CCDC9: variants seen among roughly 807,000 people sequenced by gnomAD.
The protein encoded by CCDC9 is coiled-coil domain-containing protein 9.
Under a neutral mutation model 65.6 loss-of-function variants are expected in CCDC9, and 52 were observed. That is an observed-to-expected ratio of 0.79 (90% confidence interval 0.63 to 1.00). CCDC9 has a LOEUF of 1.00. Among genes scored for constraint, CCDC9 ranks in the 50% least tolerant of loss-of-function variants. CCDC9 has a pLI of 0.00. For missense variants in CCDC9, 834 were observed against 757.2 expected (o/e 1.10, Z -1.19); for synonymous variants, 332 against 280.3 (o/e 1.18, Z -1.84).
intron 8 of CCDC9, among the ~76,000 whole-genome samples, chr19:47,269,679 A>G (rs2123477012): frequency 6.6e-6 from 1 of 152,238 alleles, no homozygotes; most frequent in East Asian, 1.9e-4. Context: ...GCCTCTTAGC[A>G]GAGCCCTGAA....
At chr19:47,262,659 G>T (rs893505284) in intron 5 of CCDC9, among the ~76,000 whole-genome samples, 1 of 152,166 alleles carries the variant, frequency 6.6e-6, no homozygotes. Flanking sequence ...TGTCCTGTTG[G>T]TGAGAACTTA....
At chr19:47,272,098 G>C, downstream of CCDC9, 1 of 1,236,462 alleles carries the variant, frequency 8.1e-7, no homozygotes, top group East Asian at 3.1e-5. Flanking sequence ...TGCCTTCCCG[G>C]AGAGTGGGCC....
At chr19:47,267,372 G>A (rs544128589) in intron 8 of CCDC9, among the ~76,000 whole-genome samples, 2 of 152,200 alleles carry the variant, frequency 1.3e-5, no homozygotes, top group East Asian at 1.9e-4. Context: ...TCCGCCTCCC[G>A]TGTTCAAGCA....
chr19:47,260,835 C>G lies in CCDC9; in HGVS notation c.458C>G (p.Ser153Cys). The change falls in exon 5 of 12, where the codon TCC (serine) becomes TGC (cysteine). Residue 153 changes from serine to cysteine, a missense_variant. Ser to Cys is a moderately radical substitution (Grantham distance 112). Transcript: ENST00000221922. ...AGDTSISDRK[S>C]KEWEERRRQN... is the part of the protein sequence containing the mutation. The stretch of plus-strand genomic sequence containing the variant: ...GACACCTCAATCTCTGACCGTAAAT[C>G]CAAGGTAGGAGCTAGGCAGCGCCTG... 1 of 1,612,250 alleles carries G rather than the reference C, an allele frequency of 6.2e-7. No individual in the cohort carries two copies.
Position 47,266,764 on chromosome 19 carries a change from G to A in CCDC9, c.874G>A (p.Glu292Lys), listed in dbSNP as rs779070299. 3.7e-6 allele frequency: 6 copies of A among 1,609,536 alleles called. No individual in the cohort carries two copies. The highest frequency in any genetic ancestry group is 3.4e-6 in the Non-Finnish European group (4 of 1,178,054). The change falls in exon 8 of 12, where the codon GAG becomes AAG. Residue 292 changes from glutamate to lysine, a missense_variant. Transcript: ENST00000221922. ...HRKPTGQWRR[E>K]WDAEKTDGMF... ...CAAGCCCACTGGCCAGTGGAGGCGC[G>A]AGTGGGATGCCGAGAAGACCGATGG...
intron 2 of CCDC9, 22 bp downstream of exon 2, chr19:47,258,425 T>C (rs979307923): frequency 6.2e-7 from 1 of 1,613,866 alleles, no homozygotes; most frequent in African/African-American, 1.3e-5. Flanking sequence ...AAATGGGGTC[T>C]CTAGAATCTG....
chr19:47,258,589 G>A lies in CCDC9; in HGVS notation c.34G>A (p.Glu12Lys), dbSNP rs1287869064. 2.5e-6 allele frequency: 4 copies of A among 1,614,128 alleles called. No individual in the cohort carries two copies. Among genetic ancestry groups the A allele is most frequent in the Non-Finnish European group, 3.4e-6 (4 of 1,179,996 alleles). ...CACACTCGATTTGAAATCAAAGGAG[G>A]AGAAGGATGCTGAGTTGGACAAGAG... ...AATLDLKSKEEKDAELDKRIE... is the reference protein window; with the variant it reads ...AATLDLKSKEKKDAELDKRIE... The change falls in exon 3 of 12, where the codon GAG becomes AAG. Residue 12 changes from glutamate to lysine, a missense_variant. Transcript: ENST00000221922.
intron 9 of CCDC9, 37 bp downstream of exon 9, chr19:47,270,490 T>G: frequency 6.2e-7 from 1 of 1,614,214 alleles, no homozygotes; most frequent in Non-Finnish European, 8.5e-7. Flanking sequence ...AGGCTCGGTC[T>G]GGGAGTCAGG....
rs761485244 is a variant in CCDC9, at chr19:47,266,801, C to T, written c.902+9C>T. 7 of 1,597,072 alleles carry T rather than the reference C, an allele frequency of 4.4e-6. No homozygotes were observed. The highest frequency in any genetic ancestry group is 3.4e-5 in the South Asian group (3 of 88,094). On this transcript the variant is annotated intron_variant, in intron 8 of 11. Coordinates refer to ENST00000221922, the MANE Select transcript of CCDC9 (RefSeq NM_015603.3). ...GAGAAGACCGATGGGATGTGAGTCT[C>T]CTCCCCGCTCCTCTCCCCATGTGGC...
chr19:47,259,284 G>A (rs2059030114), intron 3 of CCDC9, among the ~76,000 whole-genome samples: 1 of 152,158 alleles, frequency 6.6e-6, no homozygotes, highest in Non-Finnish European at 1.5e-5. Flanking sequence ...AATGCCACCA[G>A]GATGAGTTTG....
In CCDC9 at chr19:47,270,400, C is replaced by G. The variant is rs569465656; in HGVS notation, c.903-7C>G. The G allele has an allele frequency of 6.2e-7, 1 of 1,613,926 alleles. No individual in the cohort carries two copies. The highest frequency in any genetic ancestry group is 8.5e-7 in the Non-Finnish European group (1 of 1,179,852). On this transcript the variant is annotated splice_polypyrimidine_tract_variant and splice_region_variant and intron_variant, in intron 8 of 11. Coordinates refer to ENST00000221922, the MANE Select transcript of CCDC9 (RefSeq NM_015603.3). ...AGCTGCCCGCTCACCCGTTATCTTTCCCCCAGGTTCAAGGATGGCCCAGTC... is the reference window on the plus strand; with the variant it reads ...AGCTGCCCGCTCACCCGTTATCTTTGCCCCAGGTTCAAGGATGGCCCAGTC...
At chr19:47,275,375 G>T (rs1303614691), downstream of CCDC9, 7 of 1,528,902 alleles carry the variant, frequency 4.6e-6, no homozygotes, top group South Asian at 1.2e-5. Flanking sequence ...AACCCGGATC[G>T]CCAGCCCTCG....
intron 7 of CCDC9, chr19:47,266,408 C>T (rs1306619633): frequency 1.6e-6 from 1 of 623,642 alleles, no homozygotes; most frequent in Non-Finnish European, 2.5e-6. Context: ...GGAGAAAAAT[C>T]CAGCAGCTGA....
At chr19:47,265,685 A>G (rs1449604641) in intron 7 of CCDC9, among the ~76,000 whole-genome samples, 2 of 151,738 alleles carry the variant, frequency 1.3e-5, no homozygotes, top group East Asian at 3.9e-4. Flanking sequence ...TGCTGAGGAT[A>G]AGAGGTTTTT....
At chr19:47,258,509 G>T (rs2059025497) in intron 2 of CCDC9, 50 bp from the exon 3 acceptor site, 1 of 1,602,360 alleles carries the variant, frequency 6.2e-7, no homozygotes, top group Non-Finnish European at 8.6e-7. Context: ...AAAGTCCCTG[G>T]TATGGATGGA....
downstream of CCDC9, chr19:47,275,280 G>T (rs1299913157): frequency 2.7e-5 from 42 of 1,545,684 alleles, no homozygotes; most frequent in Non-Finnish European, 3.4e-5. Context: ...CAGCGACCCT[G>T]ACCGCCGTCC....
chr19:47,260,772 G>A lies in CCDC9; in HGVS notation c.395G>A (p.Gly132Asp), dbSNP rs749356459. The A allele has an allele frequency of 6.2e-7, 1 of 1,612,346 alleles. No individual in the cohort carries two copies. Among genetic ancestry groups the A allele is most frequent in the Non-Finnish European group, 8.5e-7 (1 of 1,179,294 alleles). The change falls in exon 5 of 12, where the codon GGC becomes GAC. Residue 132 changes from glycine to aspartate, a missense_variant. Gly to Asp is a moderately conservative substitution (Grantham distance 94). Transcript: ENST00000221922. ...GGAGCTGGGGGCCGTGGCCGGAGGG[G>A]CCGGGGCCGAGGTTCACCTCACCTC... ...GGGAGGRGRR[G>D]RGRGSPHLSG... is the part of the protein sequence containing the mutation.
intron 1 of CCDC9, among the ~76,000 whole-genome samples, chr19:47,256,871 A>C (rs1236366326): frequency 6.6e-6 from 1 of 151,266 alleles, no homozygotes; most frequent in African/African-American, 2.5e-5. Flanking sequence ...GGGCGGGGCC[A>C]TAGTGTTGCT....
chr19:47,261,898 G>A (rs1600279764), intron 5 of CCDC9, among the ~76,000 whole-genome samples: 1 of 151,544 alleles, frequency 6.6e-6, no homozygotes. Flanking sequence ...GCACACGCCT[G>A]TAATCCCAGC....
Sources: allele counts gnomAD v4.1 joint callset (sites outside exome capture counted in the v4.1 genomes callset), GRCh38; gene constraint gnomAD v4.1.1; transcripts MANE v1.5; gene names NCBI Gene and HGNC (gene_info 2026-07-23, HGNC 2026-07-21).